SPTBN1: variants seen among roughly 807,000 people sequenced by gnomAD.
The protein encoded by SPTBN1 is spectrin beta, non-erythrocytic 1.
SPTBN1 carries 32 observed loss-of-function variants against 266.4 expected under a neutral mutation model. The observed-to-expected ratio is 0.12, with a 90% CI of 0.09 to 0.16. SPTBN1 has a LOEUF of 0.16. Among genes scored for constraint, SPTBN1 ranks in the 10% least tolerant of loss-of-function variants. SPTBN1 has a pLI of 1.00. For missense variants in SPTBN1, 2,296 were observed against 3,067.1 expected, an observed-to-expected ratio of 0.75 and a Z score of 5.94; for synonymous variants, 1,336 against 1,162.2, an observed-to-expected ratio of 1.15 and a Z score of -3.04.
At chr2:54,480,521 G>A (rs1298921263) in intron 1 of SPTBN1, among the ~76,000 whole-genome samples, 3 of 152,178 alleles carry the variant, frequency 2.0e-5, no homozygotes, top group African/African-American at 7.2e-5. Context: ...TTGATGTCCA[G>A]TATTTATCTA....
chr2:54,623,560 G>T lies in SPTBN1; in HGVS notation c.1146G>T (p.Met382Ile), dbSNP rs774587397. ...GGGCCAACAACCAGAAGGTCTACAT[G>T]CCCCGGGAGGGGAAGCTCATCTCTG... ...KMRANNQKVYMPREGKLISDI... is the reference protein window; with the variant it reads ...KMRANNQKVYIPREGKLISDI... Residue 382 changes from methionine to isoleucine, a missense_variant, in exon 10 of 36, where the codon ATG becomes ATT. Physicochemically the swap from Met to Ile is conservative, Grantham distance 10. Transcript: ENST00000356805. 18 of 1,614,052 alleles carry T rather than the reference G, an allele frequency of 1.1e-5. No homozygotes were observed. The Admixed American group carries it at 2.8e-4, about 25-fold the overall frequency.
intron 2 of SPTBN1, among the ~76,000 whole-genome samples, chr2:54,553,014 T>TA (rs1381042592): frequency 2.0e-5 from 3 of 152,224 alleles, no homozygotes; most frequent in African/African-American, 7.2e-5. Flanking sequence ...GGCATAGAAA[T>TA]ACCAGTGTCA....
intron 33 of SPTBN1, 27 bp from the exon 34 acceptor site, chr2:54,665,888 C>T (rs1369561963): frequency 1.3e-6 from 2 of 1,594,886 alleles, no homozygotes; most frequent in Admixed American, 1.8e-5. Context: ...CTTTATCTCC[C>T]CCTGCCCTTT....
At chr2:54,570,008 CTTGGGCCTGGTG>C (rs1673947978) in intron 2 of SPTBN1, among the ~76,000 whole-genome samples, 2 of 141,932 alleles carry the variant, frequency 1.4e-5, no homozygotes, top group Admixed American at 1.5e-4. Flanking sequence ...GGTTCAGTCA[CTTGGGCCTGGTG>C]ACTTTTGATG....
chr2:54,473,508 T>C (rs964584321), intron 1 of SPTBN1, among the ~76,000 whole-genome samples: 1 of 144,020 alleles, frequency 6.9e-6, no homozygotes, highest in African/African-American at 2.4e-5. Flanking sequence ...GTTTTGTTTT[T>C]TTTTTAAGCA....
chr2:54,485,822 G>A lies in SPTBN1; in HGVS notation c.-48+29304G>A, dbSNP rs571875358. On this transcript the variant is annotated intron_variant, in intron 1 of 35. Coordinates refer to ENST00000356805, the MANE Select transcript of SPTBN1 (RefSeq NM_003128.3). ...CCCGGCCGCCCGTCGTCTGAGATGT[G>A]GGGAGCGCCTCTGCCCCGCCGCCCT... is the stretch of plus-strand genomic sequence containing the variant. Among the ~76,000 whole-genome samples the A allele has an allele frequency of 5.7e-3, 863 of 151,560 alleles. 13 individuals carry two copies. The highest frequency in any genetic ancestry group is 0.02 in the African/African-American group (815 of 41,232).
At chr2:54,622,273 T>C in intron 8 of SPTBN1, 27 bp from the exon 9 acceptor site, 1 of 1,610,724 alleles carries the variant, frequency 6.2e-7, no homozygotes, top group Non-Finnish European at 8.5e-7. Context: ...ACATGATCTT[T>C]TCAATTTTTC....
intron 26 of SPTBN1, chr2:54,652,378 A>G (rs935894172): frequency 6.6e-6 from 1 of 152,152 alleles, no homozygotes; most frequent in Non-Finnish European, 1.5e-5. Context: ...CTTCATTGTC[A>G]TCTTGGTGTG....
At position 54,540,712 on chromosome 2, in the gene SPTBN1, G is replaced by A. The variant is rs1263962064; in HGVS notation, c.148+14146G>A. 1 of 152,158 alleles carries A rather than the reference G, an allele frequency of 6.6e-6. No individual in the cohort carries two copies. The highest frequency in any genetic ancestry group is 1.9e-4 in the East Asian group (1 of 5,198). 9.4% of individuals were successfully genotyped at this position (152,158 alleles called of 1,614,324 possible). A position where few individuals can be genotyped will look rare whatever the true frequency, so the allele number is the denominator to read the frequency against. ...GTTATTCTCTGTCATCATTAGCCTG[G>A]AGTACATGTTAGCAGTTGAAGTTTG... is the stretch of plus-strand genomic sequence containing the variant. On this transcript the variant is annotated intron_variant, in intron 2 of 35. Transcript: ENST00000356805. The surrounding 1 kb of genome is among the most constrained non-coding windows in gnomAD (Gnocchi z 5.6).
intron 10 of SPTBN1, 149 bp from the exon 11 acceptor site, chr2:54,624,655 C>CT (rs1455620015): frequency 2.1e-5 from 25 of 1,200,118 alleles, no homozygotes; most frequent in East Asian, 1.0e-4. Flanking sequence ...TTCCTCAAGG[C>CT]TTGAGAGTCA....
intron 32 of SPTBN1, chr2:54,660,261 C>T: frequency 1.5e-6 from 2 of 1,325,232 alleles, no homozygotes; most frequent in South Asian, 2.5e-5. Flanking sequence ...TGCCCACTTG[C>T]CTTAAAGCAG....
intron 1 of SPTBN1, among the ~76,000 whole-genome samples, chr2:54,511,468 G>T (rs951437502): frequency 6.6e-6 from 1 of 152,164 alleles, no homozygotes; most frequent in Admixed American, 6.5e-5. Context: ...TAGTTTCGTG[G>T]AAGACAGTTT....
intron 2 of SPTBN1, among the ~76,000 whole-genome samples, chr2:54,560,522 C>A (rs961514794): frequency 7.9e-5 from 12 of 152,114 alleles, no homozygotes; most frequent in Non-Finnish European, 1.6e-4. Context: ...CAGGAAATGT[C>A]TTAACTGTCC....
At chr2:54,660,111 C>A (rs779116396) in intron 32 of SPTBN1, 112 bp downstream of exon 32, 1 of 1,604,060 alleles carries the variant, frequency 6.2e-7, no homozygotes, top group Non-Finnish European at 8.5e-7. Context: ...TGTCAAGAAT[C>A]ACCCTTTCCA....
intron 2 of SPTBN1, among the ~76,000 whole-genome samples, chr2:54,562,696 T>TTGTGTGTGTGTGTGTG (rs55947327): frequency 0.016 from 1,965 of 122,550 alleles, 59 homozygotes; most frequent in African/African-American, 0.045. Flanking sequence ...AAACCCTGCT[T>TTGTGTGTGTGTGTGTG]TGTGTGTGTG....
Position 54,644,467 on chromosome 2 carries a change from C to A in SPTBN1, c.4150C>A (p.Leu1384Ile). The A allele has an allele frequency of 6.2e-7, 1 of 1,614,232 alleles. No homozygotes were observed. The highest frequency in any genetic ancestry group is 8.5e-7 in the Non-Finnish European group (1 of 1,180,038). The part of the protein sequence containing the change: ...QRLFDANKAE[L>I]FTQSCADLDK... ...GCTCTTTGATGCAAACAAGGCCGAA[C>A]TTTTCACCCAGAGCTGTGCAGATCT... The change falls in exon 20 of 36, where the codon CTT (leucine) becomes ATT (isoleucine). Residue 1384 changes from leucine to isoleucine, a missense_variant. By Grantham distance (5) the Leu-to-Ile change is conservative (BLOSUM62 2). Coordinates refer to ENST00000356805, the MANE Select transcript of SPTBN1 (RefSeq NM_003128.3).
intron 2 of SPTBN1, among the ~76,000 whole-genome samples, chr2:54,555,370 C>T (rs1672806967): frequency 6.6e-6 from 1 of 152,218 alleles, no homozygotes; most frequent in Non-Finnish European, 1.5e-5. Context: ...GAAATGTGCA[C>T]TTGTCCCCTG....
At chr2:54,586,086 A>G (rs1675271072) in intron 2 of SPTBN1, among the ~76,000 whole-genome samples, 1 of 152,188 alleles carries the variant, frequency 6.6e-6, no homozygotes, top group Non-Finnish European at 1.5e-5. Context: ...AAAATTATAC[A>G]TTTTGTTTTT....
chr2:54,566,185 C>CTTTTTTT (rs59369956), intron 2 of SPTBN1, among the ~76,000 whole-genome samples: 441 of 125,082 alleles, frequency 3.5e-3, no homozygotes, highest in Non-Finnish European at 4.8e-3. Context: ...TTTCTTTTTT[C>CTTTTTTT]TTTTTTTTTT....
Sources: gnomAD v4.1 joint callset for allele counts (sites outside exome capture counted in the v4.1 genomes callset) on GRCh38, gnomAD v4.1.1 for gene constraint, Gnocchi (gnomAD v3.1) non-coding constraint, MANE v1.5 for transcripts, NCBI Gene and HGNC (gene_info 2026-07-23, HGNC 2026-07-21) for gene names.